KCNC2: variants seen among roughly 807,000 people sequenced by gnomAD.
KCNC2 encodes the protein voltage-gated potassium channel KCNC2.
A neutral mutation model predicts 44.5 loss-of-function variants in KCNC2; 21 were observed. The ratio of observed to expected loss-of-function variants is 0.47; its 90% CI spans 0.33 to 0.68. The LOEUF is 0.68. Among genes scored for constraint, KCNC2 ranks in the 30% least tolerant of loss-of-function variants. The probability of loss-of-function intolerance (pLI) is 0.01; values close to 1 mark genes in which losing one functional copy is unlikely to be tolerated. For synonymous variants in KCNC2, 391 were observed against 339.1 expected, an observed-to-expected ratio of 1.15 and a Z score of -1.68; for missense variants, 589 against 826.2, an observed-to-expected ratio of 0.71 and a Z score of 3.52.
At chr12:75,178,403 G>A (rs1892337986) in intron 2 of KCNC2, among the ~76,000 whole-genome samples, 1 of 152,000 alleles carries the variant, frequency 6.6e-6, no homozygotes. Context: ...GATTTTTGAA[G>A]CTCTTAATAT....
At chr12:75,187,484 A>C (rs187719717) in intron 2 of KCNC2, among the ~76,000 whole-genome samples, 1 of 152,276 alleles carries the variant, frequency 6.6e-6, no homozygotes, top group East Asian at 1.9e-4. Context: ...ATATTCTCAC[A>C]TATCTTCCTT....
chr12:75,143,364 ACATCT>A (rs1889792477), intron 2 of KCNC2, among the ~76,000 whole-genome samples: 1 of 152,170 alleles, frequency 6.6e-6, no homozygotes, highest in African/African-American at 2.4e-5. Flanking sequence ...CCCTGAAAAT[ACATCT>A]CTGTTAGTAG....
chr12:75,175,317 T>C (rs1257633958), intron 2 of KCNC2, among the ~76,000 whole-genome samples: 1 of 151,930 alleles, frequency 6.6e-6, no homozygotes, highest in Non-Finnish European at 1.5e-5. Flanking sequence ...AAGTAGAAAG[T>C]GGTTAAATGT....
rs570089458 is a variant in KCNC2 at position 75,184,022 on chromosome 12, C to A, written c.687+23275G>T. 1.1e-4 allele frequency among the ~76,000 whole-genome samples: 17 copies of A among 152,292 alleles called. No homozygotes were observed. In the East Asian group the frequency reaches 3.1e-3, roughly 28 times the overall value. The stretch of plus-strand genomic sequence containing the variant: ...CAGCTCACAAACATTCTCACCCCCA[C>A]CCACTTCTCCATCCTATTCCCTACT... On this transcript the variant is annotated intron_variant, in intron 2 of 4. Transcript: ENST00000549446.
At chr12:75,089,801 T>A (rs746411847) in intron 2 of KCNC2, among the ~76,000 whole-genome samples, 5 of 151,812 alleles carry the variant, frequency 3.3e-5, no homozygotes, top group Non-Finnish European at 7.4e-5. Flanking sequence ...TAATTAAAAT[T>A]CAATAAAATT....
At chr12:75,208,751 C>A (rs757657321) in intron 1 of KCNC2, among the ~76,000 whole-genome samples, 6 of 152,146 alleles carry the variant, frequency 3.9e-5, no homozygotes, top group Non-Finnish European at 5.9e-5. Context: ...AAAAAAAAAT[C>A]TCTGCTGTTG....
intron 2 of KCNC2, among the ~76,000 whole-genome samples, chr12:75,089,443 C>G (rs1287165832): frequency 1.3e-5 from 2 of 151,718 alleles, no homozygotes; most frequent in Non-Finnish European, 3.0e-5. Flanking sequence ...TTGGGCTCTT[C>G]TTTGAAAGAT....
intron 1 of KCNC2, 100 bp from the exon 2 acceptor site, chr12:75,208,102 T>C (rs1030027240): frequency 2.8e-6 from 4 of 1,423,000 alleles, no homozygotes; most frequent in Admixed American, 2.1e-5. Flanking sequence ...GGATGCAGAG[T>C]TGGCAGACAG....
At chr12:75,043,738 TA>T in intron 4 of KCNC2, 2 of 1,500,204 alleles carry the variant, frequency 1.3e-6, no homozygotes, top group South Asian at 1.3e-5. Flanking sequence ...TTTATAGGGT[TA>T]AAAGATGATT....
intron 2 of KCNC2, among the ~76,000 whole-genome samples, chr12:75,179,700 A>AGTTTTATAT (rs1892434134): frequency 6.7e-6 from 1 of 150,144 alleles, no homozygotes; most frequent in Admixed American, 6.6e-5. Flanking sequence ...ATATAAAACT[A>AGTTTTATAT]CTTGTATATC....
At position 75,154,792 on chromosome 12, in the gene KCNC2, G is replaced by A. The variant is rs563277667; in HGVS notation, c.687+52505C>T. On this transcript the variant is annotated intron_variant, in intron 2 of 4. Coordinates refer to ENST00000549446, the MANE Select transcript of KCNC2 (RefSeq NM_139137.4). ...ATTTTATAAATCATATGGTACTGGT[G>A]CTATAAAACTAAATACACAGCATAT... Among the ~76,000 whole-genome samples the A allele has an allele frequency of 1.1e-4, 17 of 152,022 alleles. No homozygotes were observed. The East Asian group carries it at 3.1e-3, about 28-fold the overall frequency.
At chr12:75,085,311 C>A (rs1195437777) in intron 2 of KCNC2, among the ~76,000 whole-genome samples, 2 of 151,860 alleles carry the variant, frequency 1.3e-5, no homozygotes, top group Non-Finnish European at 2.9e-5. Flanking sequence ...CACCTTCCAC[C>A]ACTACTATTA....
intron 2 of KCNC2, among the ~76,000 whole-genome samples, chr12:75,092,425 C>G (rs142052186): frequency 1.3e-5 from 2 of 151,628 alleles, no homozygotes; most frequent in African/African-American, 4.8e-5. Context: ...GCTTATATGG[C>G]TAACATAAAA....
intron 2 of KCNC2, among the ~76,000 whole-genome samples, chr12:75,109,998 A>C (rs1010546111): frequency 1.3e-5 from 2 of 152,086 alleles, no homozygotes; most frequent in African/African-American, 4.8e-5. Context: ...GAAAAAATAC[A>C]AGAATATAAA....
At chr12:75,179,263 A>G (rs1298696030) in intron 2 of KCNC2, among the ~76,000 whole-genome samples, 3 of 151,982 alleles carry the variant, frequency 2.0e-5, no homozygotes, top group African/African-American at 7.2e-5. Context: ...TCAGAGGGCG[A>G]AATTTTTTTT....
chr12:75,084,322 A>AGATAGAT (rs1884803758), intron 2 of KCNC2, among the ~76,000 whole-genome samples: 1 of 149,876 alleles, frequency 6.7e-6, no homozygotes, highest in Non-Finnish European at 1.5e-5. Context: ...ATAGATAGAT[A>AGATAGAT]GATAGATAGA....
chr12:75,070,100 T>C (rs1883247015), intron 2 of KCNC2, among the ~76,000 whole-genome samples: 1 of 152,240 alleles, frequency 6.6e-6, no homozygotes, highest in African/African-American at 2.4e-5. Flanking sequence ...ATGCACTTAA[T>C]GAATAAAAGA....
At chr12:75,046,569 C>G (rs1301436335) in intron 4 of KCNC2, among the ~76,000 whole-genome samples, 1 of 151,666 alleles carries the variant, frequency 6.6e-6, no homozygotes, top group African/African-American at 2.4e-5. Context: ...ATTCAATGCA[C>G]TTGGAACAGC....
chr12:75,115,099 G>C (rs1027066171), intron 2 of KCNC2, among the ~76,000 whole-genome samples: 9 of 151,822 alleles, frequency 5.9e-5, no homozygotes, highest in African/African-American at 2.2e-4. Flanking sequence ...TCCTGACCTC[G>C]TGATCCACCC....
Sources: gnomAD v4.1 joint callset for allele counts (sites outside exome capture counted in the v4.1 genomes callset) on GRCh38, gnomAD v4.1.1 for gene constraint, MANE v1.5 for transcripts, NCBI Gene and HGNC (gene_info 2026-07-23, HGNC 2026-07-21) for gene names.